Variants in FILIP1L observed in about 807,000 individuals in gnomAD.
FILIP1L encodes filamin A interacting protein 1 like, also known as filamin A-interacting protein 1-like.
Under a neutral mutation model 96.6 loss-of-function variants are expected in FILIP1L, and 55 were observed. The ratio of observed to expected loss-of-function variants is 0.57; its 90% CI spans 0.46 to 0.71. The LOEUF (loss-of-function observed/expected upper bound fraction) is 0.71, where lower values mean the gene tolerates loss of function less well. Among genes scored for constraint, FILIP1L ranks in the 30% least tolerant of loss-of-function variants. The pLI, the probability that FILIP1L is intolerant of heterozygous loss-of-function variation, is 0.00. For synonymous variants in FILIP1L, 467 were observed against 473.9 expected (o/e 0.99, Z 0.19); for missense variants, 1,304 against 1,321.2 (o/e 0.99, Z 0.20).
intron 1 of FILIP1L, among the ~76,000 whole-genome samples, chr3:100,113,615 C>G (rs936171747): frequency 1.3e-5 from 2 of 152,128 alleles, no homozygotes; most frequent in Non-Finnish European, 2.9e-5. Flanking sequence ...TGCAATTTAA[C>G]CTATTCAGTA....
intron 4 of FILIP1L, among the ~76,000 whole-genome samples, chr3:99,851,501 A>C (rs1576512552): frequency 1.3e-5 from 2 of 152,304 alleles, no homozygotes; most frequent in East Asian, 3.9e-4. Flanking sequence ...CAATTTCCTC[A>C]TATGAAAAAT....
chr3:99,882,448 CTG>C (rs1354106721), intron 4 of FILIP1L, among the ~76,000 whole-genome samples: 2 of 152,096 alleles, frequency 1.3e-5, no homozygotes, highest in Admixed American at 6.6e-5. Context: ...AATGTATTCA[CTG>C]AGAAAAATGA....
chr3:99,843,241 T>C (rs1011321701), intron 5 of FILIP1L, among the ~76,000 whole-genome samples: 22 of 152,138 alleles, frequency 1.4e-4, no homozygotes, highest in African/African-American at 5.3e-4. Context: ...GGGCCTGGGA[T>C]TGAGAGAGAA....
At chr3:100,044,597 C>A (rs2065251746) in intron 1 of FILIP1L, among the ~76,000 whole-genome samples, 1 of 152,110 alleles carries the variant, frequency 6.6e-6, no homozygotes, top group South Asian at 2.1e-4. Flanking sequence ...TAGAAAGATA[C>A]AGAGGTAGTG....
intron 5 of FILIP1L, among the ~76,000 whole-genome samples, chr3:99,831,522 C>T (rs1304171293): frequency 1.3e-5 from 2 of 152,200 alleles, no homozygotes; most frequent in Non-Finnish European, 2.9e-5. Context: ...TTTCTGTGAA[C>T]AACCATATTA....
intron 1 of FILIP1L, among the ~76,000 whole-genome samples, chr3:100,053,571 C>G (rs4928240): frequency 0.8 from 121,515 of 152,182 alleles, 48,732 homozygotes; most frequent in East Asian, 0.88. Context: ...CGTCAGCAAA[C>G]ACCCTATTTC....
intron 1 of FILIP1L, among the ~76,000 whole-genome samples, chr3:100,028,118 A>G (rs1295281582): frequency 6.6e-6 from 1 of 152,224 alleles, no homozygotes; most frequent in African/African-American, 2.4e-5. Flanking sequence ...AACATTTATT[A>G]AACACTAATG....
At chr3:100,096,319 A>C (rs1347656043) in intron 1 of FILIP1L, among the ~76,000 whole-genome samples, 1 of 152,224 alleles carries the variant, frequency 6.6e-6, no homozygotes, top group Non-Finnish European at 1.5e-5. Flanking sequence ...TCCCATGTTC[A>C]TTGCAGCACT....
At chr3:99,907,662 T>C (rs1343607456) in intron 4 of FILIP1L, among the ~76,000 whole-genome samples, 6 of 152,220 alleles carry the variant, frequency 3.9e-5, no homozygotes, top group African/African-American at 1.4e-4. Flanking sequence ...TGCTTTTTCC[T>C]GAATTTGATT....
intron 1 of FILIP1L, among the ~76,000 whole-genome samples, chr3:99,983,389 A>AATAAATAAATAT (rs1302972402): frequency 2.7e-4 from 11 of 40,798 alleles, no homozygotes; most frequent in African/African-American, 1.1e-3. Flanking sequence ...TAAATAAATA[A>AATAAATAAATAT]ATATATATAT....
At chr3:99,986,890 C>T (rs976205005) in intron 1 of FILIP1L, among the ~76,000 whole-genome samples, 7 of 152,076 alleles carry the variant, frequency 4.6e-5, no homozygotes, top group African/African-American at 7.2e-5. Flanking sequence ...GGTGGAGAAA[C>T]CCTGATCTAG....
intron 1 of FILIP1L, among the ~76,000 whole-genome samples, chr3:100,000,604 C>T (rs1482533362): frequency 1.3e-5 from 2 of 152,184 alleles, no homozygotes; most frequent in Non-Finnish European, 2.9e-5. Context: ...AATTCCAGCA[C>T]TTTGGGAGGC....
intron 4 of FILIP1L, among the ~76,000 whole-genome samples, chr3:99,906,499 A>G (rs1357833375): frequency 6.6e-6 from 1 of 152,122 alleles, no homozygotes; most frequent in Admixed American, 6.5e-5. Context: ...CTGTTGTTGT[A>G]TTTTGATTAA....
chr3:100,080,832 CAT>C (rs2065921434), intron 1 of FILIP1L, among the ~76,000 whole-genome samples: 4 of 152,182 alleles, frequency 2.6e-5, no homozygotes, highest in African/African-American at 9.7e-5. Context: ...CCTTTTCTTG[CAT>C]AGTCCTATTT....
intron 1 of FILIP1L, among the ~76,000 whole-genome samples, chr3:100,005,895 A>G (rs1308946799): frequency 2.6e-5 from 4 of 152,144 alleles, no homozygotes; most frequent in Non-Finnish European, 5.9e-5. Context: ...GCTGCTTGCT[A>G]CCCACCATCT....
chr3:99,916,749 T>G (rs944803236), intron 4 of FILIP1L, among the ~76,000 whole-genome samples: 1 of 152,208 alleles, frequency 6.6e-6, no homozygotes, highest in South Asian at 2.1e-4. Context: ...TTTGTTGTTC[T>G]AACTCGAGTC....
intron 1 of FILIP1L, among the ~76,000 whole-genome samples, chr3:100,019,589 G>A (rs1412533513): frequency 1.3e-5 from 2 of 152,120 alleles, no homozygotes; most frequent in African/African-American, 4.8e-5. Context: ...TTTAAAGACA[G>A]TAGTAGATAC....
intron 1 of FILIP1L, among the ~76,000 whole-genome samples, chr3:99,945,995 G>T (rs1403557466): frequency 1.3e-5 from 2 of 152,184 alleles, no homozygotes; most frequent in South Asian, 4.1e-4. Context: ...GTGAGTGTGT[G>T]CATACAGACA....
At chr3:99,970,445 G>A (rs767830565) in intron 1 of FILIP1L, among the ~76,000 whole-genome samples, 2 of 152,234 alleles carry the variant, frequency 1.3e-5, no homozygotes, top group Non-Finnish European at 2.9e-5. Flanking sequence ...CAGTTTTGAA[G>A]TCTCATTCTC....
Sources: allele counts gnomAD v4.1 joint callset (sites outside exome capture counted in the v4.1 genomes callset), GRCh38; gene constraint gnomAD v4.1.1; transcripts MANE v1.5; gene names NCBI Gene and HGNC (gene_info 2026-07-23, HGNC 2026-07-21).